The following CPNE4 variants were observed in gnomAD, a reference collection of about 807,000 sequenced individuals.
CPNE4 encodes the protein copine 4.
Under a neutral mutation model 67.9 loss-of-function variants are expected in CPNE4, and 25 were observed. The ratio of observed to expected loss-of-function variants is 0.37; its 90% CI spans 0.27 to 0.51. The LOEUF is 0.51. CPNE4 is among the 20% of genes least tolerant of loss of function. The pLI is 0.93. For synonymous variants in CPNE4, 242 were observed against 244.9 expected, an observed-to-expected ratio of 0.99 and a Z score of 0.11; for missense variants, 464 against 690.8, an observed-to-expected ratio of 0.67 and a Z score of 3.68.
intron 1 of CPNE4, among the ~76,000 whole-genome samples, chr3:131,927,832 A>T (rs547408930): frequency 6.6e-6 from 1 of 152,292 alleles, no homozygotes; most frequent in Admixed American, 6.5e-5. Context: ...AAGTAGCTGG[A>T]TCATGCTTGA....
chr3:131,843,937 AAATAT>A (rs2085895218), intron 2 of CPNE4, among the ~76,000 whole-genome samples: 1 of 152,196 alleles, frequency 6.6e-6, no homozygotes, highest in Non-Finnish European at 1.5e-5. Flanking sequence ...GACTTGGTCT[AAATAT>A]GGCCTTAACA....
chr3:131,853,138 A>G (rs2086301682), intron 2 of CPNE4, among the ~76,000 whole-genome samples: 1 of 151,824 alleles, frequency 6.6e-6, no homozygotes, highest in African/African-American at 2.4e-5. Context: ...AAAAATAAGA[A>G]TATTGGAGAG....
chr3:131,587,578 A>G lies in CPNE4; in HGVS notation c.686T>C (p.Ile229Thr), dbSNP rs1559943887. 5 of 1,606,244 alleles carry G rather than the reference A, an allele frequency of 3.1e-6. No individual in the cohort carries two copies. The highest frequency in any genetic ancestry group is 3.4e-6 in the Non-Finnish European group (4 of 1,173,164). Residue 229 changes from isoleucine to threonine, a missense_variant, in exon 8 of 16, where the codon ATA becomes ACA. This residue lies in a region of CPNE4 where 58 missense variants were observed against 63.5 expected (regional missense o/e 0.91). Coordinates refer to ENST00000429747, the MANE Select transcript of CPNE4 (RefSeq NM_130808.3). ...SGDPDRRLKC[I>T]VWDWDSNGKH... is the part of the protein sequence containing the mutation. ...GCCATTGGAGTCCCAGTCCCATACT[A>G]TGCACTGTAAGAGAAAACAATGATC...
chr3:131,594,309 A>G, intron 7 of CPNE4, among the ~76,000 whole-genome samples: 1 of 152,240 alleles, frequency 6.6e-6, no homozygotes, highest in African/African-American at 2.4e-5. Flanking sequence ...TACATTACAA[A>G]GCTACAATAA....
intron 2 of CPNE4, among the ~76,000 whole-genome samples, chr3:131,827,361 G>T (rs2085203687): frequency 6.6e-6 from 1 of 151,048 alleles, no homozygotes; most frequent in South Asian, 2.1e-4. Flanking sequence ...CAAGACTGTG[G>T]TAAACTAGGT....
intron 2 of CPNE4, among the ~76,000 whole-genome samples, chr3:131,739,440 G>A (rs1013005771): frequency 2.0e-5 from 3 of 152,122 alleles, no homozygotes; most frequent in African/African-American, 4.8e-5. Flanking sequence ...GCTTCCCCCT[G>A]TGGCTGTGCT....
rs139253223 is a variant in CPNE4 at position 132,018,967 on chromosome 3, C to T, written c.-2+15600G>A. 5.4e-3 allele frequency among the ~76,000 whole-genome samples: 816 copies of T among 152,264 alleles called. 5 individuals carry two copies. Among genetic ancestry groups the T allele is most frequent in the South Asian group, 0.049 (235 of 4,812 alleles). On this transcript the variant is annotated intron_variant, in intron 1 of 15. Coordinates refer to ENST00000429747, the MANE Select transcript of CPNE4 (RefSeq NM_130808.3). ...CGATGCACTTGAGCAACCACCAAAA[C>T]GTGAAATAATGGGAAACTCTGCTTT... is the stretch of plus-strand genomic sequence containing the variant.
chr3:132,009,875 G>A (rs1000789368), intron 1 of CPNE4, among the ~76,000 whole-genome samples: 1 of 152,156 alleles, frequency 6.6e-6, no homozygotes, highest in Non-Finnish European at 1.5e-5. Flanking sequence ...GTAAGTAAAG[G>A]TCAGGGATGC....
chr3:131,870,950 C>T (rs2087174779), intron 2 of CPNE4, among the ~76,000 whole-genome samples: 1 of 152,074 alleles, frequency 6.6e-6, no homozygotes, highest in African/African-American at 2.4e-5. Context: ...TGAACATCCT[C>T]CATGAAGAGG....
At chr3:131,748,905 A>G (rs77797814) in intron 2 of CPNE4, among the ~76,000 whole-genome samples, 2 of 141,122 alleles carry the variant, frequency 1.4e-5, no homozygotes, top group East Asian at 2.1e-4. Flanking sequence ...GATTTTTTCA[A>G]ACAATTCTTT....
intron 2 of CPNE4, among the ~76,000 whole-genome samples, chr3:131,808,996 C>T (rs1342673551): frequency 6.6e-6 from 1 of 152,170 alleles, no homozygotes; most frequent in East Asian, 1.9e-4. Context: ...TACAGAACAT[C>T]TCTTTGGAGA....
chr3:132,000,247 G>A (rs913507596), intron 1 of CPNE4, among the ~76,000 whole-genome samples: 3 of 151,956 alleles, frequency 2.0e-5, no homozygotes, highest in African/African-American at 7.2e-5. Context: ...CAGAAAGATA[G>A]ACAAATTTGG....
At chr3:131,626,223 T>C (rs939583867) in intron 7 of CPNE4, among the ~76,000 whole-genome samples, 21 of 152,168 alleles carry the variant, frequency 1.4e-4, no homozygotes, top group African/African-American at 4.6e-4. Flanking sequence ...GTCACATGTC[T>C]CTCACTTTAA....
At chr3:131,548,758 A>G (rs1936012277) in intron 14 of CPNE4, among the ~76,000 whole-genome samples, 1 of 152,196 alleles carries the variant, frequency 6.6e-6, no homozygotes, top group Non-Finnish European at 1.5e-5. Flanking sequence ...ATTAGATCCT[A>G]TAATGTCTTC....
chr3:131,555,361 GA>G, intron 12 of CPNE4, 135 bp downstream of exon 12: 1 of 672,076 alleles, frequency 1.5e-6, no homozygotes, highest in Non-Finnish European at 2.6e-6. Flanking sequence ...CACTGATTCT[GA>G]AGACAATTTC....
rs533921365 is a variant in CPNE4, at chr3:131,731,104, C to A, written c.181-7479G>T. Among the ~76,000 whole-genome samples the A allele has an allele frequency of 6.6e-5, 10 of 152,328 alleles. 1 individual carries two copies. The South Asian group carries it at 2.1e-3, about 32-fold the overall frequency. On this transcript the variant is annotated intron_variant, in intron 2 of 15. Transcript: ENST00000429747. ...CAAGTGTCTTTCTCCCACTTTCAAT[C>A]CATTGAACCCTGCCTTCATCCTCCT...
intron 5 of CPNE4, among the ~76,000 whole-genome samples, chr3:131,688,761 A>G (rs192393203): frequency 6.6e-6 from 1 of 152,320 alleles, no homozygotes; most frequent in Admixed American, 6.5e-5. Context: ...TGACAAAAAT[A>G]AAAAGAAGGA....
In CPNE4 at chr3:131,819,368, T is replaced by G. The variant is rs766802476; in HGVS notation, c.180+85896A>C. On this transcript the variant is annotated intron_variant, in intron 2 of 15. Transcript: ENST00000429747. ...AATTTGATCTCAATATAGGCTAGAC[T>G]TAGTAGGAGAAAATGTAATTAAGGA... Among the ~76,000 whole-genome samples the G allele has an allele frequency of 2.6e-5, 4 of 152,072 alleles. No homozygotes were observed. In the South Asian group the frequency reaches 8.3e-4, roughly 32 times the overall value.
intron 1 of CPNE4, among the ~76,000 whole-genome samples, chr3:132,012,842 G>C (rs1192958231): frequency 2.6e-5 from 4 of 152,184 alleles, no homozygotes; most frequent in Non-Finnish European, 4.4e-5. Context: ...GAGTCTGCTA[G>C]TCAGGTGGTC....
Sources: allele counts gnomAD v4.1 joint callset (sites outside exome capture counted in the v4.1 genomes callset), GRCh38; gene constraint gnomAD v4.1.1; regional missense constraint gnomAD v4.1.1; transcripts MANE v1.5; gene names NCBI Gene and HGNC (gene_info 2026-07-23, HGNC 2026-07-21).